Variants in KLHL29 observed in about 807,000 individuals in gnomAD.
KLHL29 encodes the protein kelch like family member 29, also known as kelch-like protein 29.
In KLHL29, 21 loss-of-function variants were observed where a neutral mutation model predicts 80.4. The ratio of observed to expected loss-of-function variants is 0.26; its 90% CI spans 0.19 to 0.38. KLHL29 has a LOEUF of 0.38. KLHL29 is among the 10% of genes least tolerant of loss of function. The pLI, the probability that KLHL29 is intolerant of heterozygous loss-of-function variation, is 1.00. For missense variants in KLHL29, 867 were observed against 1,223.9 expected, an observed-to-expected ratio of 0.71 and a Z score of 4.35; for synonymous variants, 511 against 526.8, an observed-to-expected ratio of 0.97 and a Z score of 0.41.
intron 2 of KLHL29, among the ~76,000 whole-genome samples, chr2:23,509,879 C>G (rs1048910295): frequency 6.6e-6 from 1 of 152,140 alleles, no homozygotes; most frequent in East Asian, 1.9e-4. Context: ...TTCCTCCTGA[C>G]GGACCTGGCA....
Position 23,691,882 on chromosome 2 carries a change from C to A in KLHL29, c.1282+6C>A. ...AGTCTGCGTGTCCTTTCTCGGTGAG[C>A]CCGGGGGCCACATATGTCGCTTGGG... On this transcript the variant is annotated splice_donor_region_variant and intron_variant, in intron 7 of 13. Coordinates refer to ENST00000486442, the MANE Select transcript of KLHL29 (RefSeq NM_052920.2). The A allele has an allele frequency of 6.5e-7, 1 of 1,547,776 alleles. No individual in the cohort carries two copies.
chr2:23,510,276 A>G lies in KLHL29; in HGVS notation c.-46+34609A>G, dbSNP rs150752902. Reference sequence around the variant, plus strand: ...TCTGGAAGATGGGGGAGACTTAACCAAGAAGCATGACTGGGGGCACCAGGG... The same window carrying G: ...TCTGGAAGATGGGGGAGACTTAACCGAGAAGCATGACTGGGGGCACCAGGG... On this transcript the variant is annotated intron_variant, in intron 2 of 13. Coordinates refer to ENST00000486442, the MANE Select transcript of KLHL29 (RefSeq NM_052920.2). Among the ~76,000 whole-genome samples the G allele has an allele frequency of 5.5e-3, 840 of 152,306 alleles. 6 individuals are homozygous for G. Among genetic ancestry groups the G allele is most frequent in the African/African-American group, 0.019 (787 of 41,556 alleles).
At chr2:23,655,306 G>A (rs1333547067) in intron 5 of KLHL29, among the ~76,000 whole-genome samples, 1 of 152,202 alleles carries the variant, frequency 6.6e-6, no homozygotes, top group Non-Finnish European at 1.5e-5. Flanking sequence ...GTCATCCTAT[G>A]AAGGAGCCAA....
chr2:23,652,092 G>C (rs1258639134), intron 5 of KLHL29, among the ~76,000 whole-genome samples: 1 of 152,234 alleles, frequency 6.6e-6, no homozygotes, highest in East Asian at 1.9e-4. Flanking sequence ...ACAAGGCACA[G>C]TTCCCATGTA....
intron 2 of KLHL29, among the ~76,000 whole-genome samples, chr2:23,511,539 G>A (rs768355221): frequency 6.6e-6 from 1 of 152,192 alleles, no homozygotes; most frequent in Non-Finnish European, 1.5e-5. Context: ...GAGATGATTC[G>A]AGGCTGAGGG....
intron 3 of KLHL29, among the ~76,000 whole-genome samples, chr2:23,567,862 A>G (rs1262651398): frequency 5.3e-5 from 8 of 152,234 alleles, no homozygotes; most frequent in Non-Finnish European, 1.2e-4. Flanking sequence ...TGCTTTCTCC[A>G]TGAACAAGAA....
chr2:23,480,201 G>C (rs1046139810), intron 2 of KLHL29, among the ~76,000 whole-genome samples: 11 of 152,186 alleles, frequency 7.2e-5, no homozygotes, highest in African/African-American at 2.7e-4. Flanking sequence ...AAGAATTACA[G>C]ATGGCCCGGC....
intron 2 of KLHL29, among the ~76,000 whole-genome samples, chr2:23,546,895 T>G (rs1653782): frequency 6.6e-6 from 1 of 151,872 alleles, no homozygotes; most frequent in South Asian, 2.1e-4. Context: ...AGGACCAGAG[T>G]TGGTCATCAA....
Position 23,605,969 on chromosome 2 carries a change from C to T in KLHL29, c.286-33170C>T, listed in dbSNP as rs142335162. Among the ~76,000 whole-genome samples, 430 of 152,072 alleles carry T rather than the reference C, an allele frequency of 2.8e-3. 4 individuals carry two copies. Among genetic ancestry groups the T allele is most frequent in the Middle Eastern group, 0.017 (5 of 294 alleles). On this transcript the variant is annotated intron_variant, in intron 3 of 13. Transcript: ENST00000486442. The stretch of plus-strand genomic sequence containing the variant: ...ATTTTTGGTAGAGATGGGGTTTTGC[C>T]ATGTTGGCCAGGCTGGTCTCGAATT...
chr2:23,650,341 T>C (rs1255926781), intron 5 of KLHL29, among the ~76,000 whole-genome samples: 6 of 142,332 alleles, frequency 4.2e-5, no homozygotes, highest in African/African-American at 1.2e-4. Context: ...AATAGATCCA[T>C]CTATCATAGA....
At chr2:23,552,761 C>CTTTTCTTTTTTTT (rs71400590) in intron 2 of KLHL29, among the ~76,000 whole-genome samples, 2 of 95,576 alleles carry the variant, frequency 2.1e-5, no homozygotes, top group Admixed American at 2.7e-4. Flanking sequence ...GGTTTCTTTT[C>CTTTTCTTTTTTTT]TTTTTTTTTT....
At chr2:23,478,037 A>G (rs979906066) in intron 2 of KLHL29, among the ~76,000 whole-genome samples, 2 of 152,152 alleles carry the variant, frequency 1.3e-5, no homozygotes, top group Admixed American at 1.3e-4. Flanking sequence ...TTCACCAGGC[A>G]TAGCTGGTCA....
chr2:23,588,572 G>T (rs1668174633), intron 3 of KLHL29, among the ~76,000 whole-genome samples: 1 of 152,238 alleles, frequency 6.6e-6, no homozygotes, highest in Non-Finnish European at 1.5e-5. Context: ...GTGCTTCTTA[G>T]ACTGTGGTCT....
chr2:23,673,338 A>T (rs1464521527), intron 5 of KLHL29, among the ~76,000 whole-genome samples: 1 of 150,694 alleles, frequency 6.6e-6, no homozygotes, highest in African/African-American at 2.5e-5. Context: ...ACCCATCCTC[A>T]CACTTGCATA....
At position 23,467,940 on chromosome 2, in the gene KLHL29, T is replaced by C. The variant is rs965856891; in HGVS notation, c.-153-7620T>C. Reference sequence around the variant, plus strand: ...CTCCGTGCCCACTTCTTTGGCGGGGTGGTGGAAGAGAAGGCTCCATCTAGT... The same window carrying C: ...CTCCGTGCCCACTTCTTTGGCGGGGCGGTGGAAGAGAAGGCTCCATCTAGT... On this transcript the variant is annotated intron_variant, in intron 1 of 13. Coordinates refer to ENST00000486442, the MANE Select transcript of KLHL29 (RefSeq NM_052920.2). Among the ~76,000 whole-genome samples, 9 of 151,534 alleles carry C rather than the reference T, an allele frequency of 5.9e-5. 1 individual carries two copies. In the South Asian group the frequency reaches 1.9e-3, roughly 32 times the overall value.
intron 3 of KLHL29, among the ~76,000 whole-genome samples, chr2:23,629,995 G>GAAACGGA (rs1416581957): frequency 1.3e-5 from 2 of 152,210 alleles, no homozygotes; most frequent in Admixed American, 6.5e-5. Context: ...CATTGTTACC[G>GAAACGGA]AAACGGAGGG....
intron 2 of KLHL29, among the ~76,000 whole-genome samples, chr2:23,537,734 G>T (rs1340021083): frequency 1.3e-5 from 2 of 152,198 alleles, no homozygotes; most frequent in Non-Finnish European, 2.9e-5. Flanking sequence ...GCAAGAAGCT[G>T]CATGTCGGGT....
chr2:23,620,924 A>G (rs1479662228), intron 3 of KLHL29, among the ~76,000 whole-genome samples: 1 of 152,244 alleles, frequency 6.6e-6, no homozygotes, highest in Non-Finnish European at 1.5e-5. Flanking sequence ...CACTCTGACC[A>G]GTGCATTCTA....
intron 1 of KLHL29, among the ~76,000 whole-genome samples, chr2:23,417,581 G>A (rs1489121503): frequency 6.6e-6 from 1 of 152,194 alleles, no homozygotes; most frequent in African/African-American, 2.4e-5. Flanking sequence ...AAATGAAGTC[G>A]TTTGTCCAGG....
Sources: gnomAD v4.1 joint callset for allele counts (sites outside exome capture counted in the v4.1 genomes callset) on GRCh38, gnomAD v4.1.1 for gene constraint, MANE v1.5 for transcripts, NCBI Gene and HGNC (gene_info 2026-07-23, HGNC 2026-07-21) for gene names.